SGIP1: variants seen among roughly 807,000 people sequenced by gnomAD.
The protein encoded by SGIP1 is SH3-containing GRB2-like protein 3-interacting protein 1.
SGIP1 carries 38 observed loss-of-function variants against 107.5 expected under a neutral mutation model. That is an observed-to-expected ratio of 0.35 (90% CI 0.27 to 0.46). The LOEUF is 0.46. Ranked by LOEUF, SGIP1 falls within the 20% of genes least tolerant of loss-of-function variation. The probability of loss-of-function intolerance (pLI) is 1.00; values close to 1 mark genes in which losing one functional copy is unlikely to be tolerated. For missense variants in SGIP1, 929 were observed against 1,019.5 expected (o/e 0.91, Z 1.21); for synonymous variants, 365 against 366.1 (o/e 1.00, Z 0.03).
intron 11 of SGIP1, 116 bp downstream of exon 11, chr1:66,672,111 C>A: frequency 1.1e-6 from 1 of 874,996 alleles, no homozygotes; most frequent in Non-Finnish European, 1.9e-6. Flanking sequence ...TCTACCAAAA[C>A]ATGTCAGTCC....
At chr1:66,713,267 A>G (rs1421495194) in intron 18 of SGIP1, among the ~76,000 whole-genome samples, 1 of 152,186 alleles carries the variant, frequency 6.6e-6, no homozygotes, top group African/African-American at 2.4e-5. Flanking sequence ...AATAATTAAT[A>G]TAAGTAAAGT....
chr1:66,679,668 C>CT lies in SGIP1; in HGVS notation c.740-5dup. 1.2e-6 allele frequency: 2 copies of CT among 1,602,510 alleles called. No individual in the cohort carries two copies. Among genetic ancestry groups the CT allele is most frequent in the East Asian group, 4.6e-5 (2 of 43,418 alleles). On this transcript the variant is annotated splice_polypyrimidine_tract_variant and intron_variant, in intron 13 of 24. Coordinates refer to ENST00000371037, the MANE Select transcript of SGIP1 (RefSeq NM_032291.4). Reference sequence around the variant, plus strand: ...TGACCAATGATACTTAATTTCTCATCTTTTTGCAGCACCTCCACCACTGCC... The same window carrying CT: ...TGACCAATGATACTTAATTTCTCATCTTTTTTGCAGCACCTCCACCACTGCC...
At chr1:66,534,468 C>G in intron 1 of SGIP1, 100 bp downstream of exon 1, 1 of 1,388,970 alleles carries the variant, frequency 7.2e-7, no homozygotes, top group Non-Finnish European at 1.0e-6. Flanking sequence ...GTTCTAGAAC[C>G]TGGTTGCCAA....
intron 1 of SGIP1, among the ~76,000 whole-genome samples, chr1:66,574,217 CTATT>C (rs1475191674): frequency 1.6e-4 from 25 of 152,096 alleles, no homozygotes; most frequent in Admixed American, 1.6e-3. Flanking sequence ...AGAGGCATAT[CTATT>C]TCTCTACCCT....
At chr1:66,679,184 A>G (rs1396289653) in intron 13 of SGIP1, among the ~76,000 whole-genome samples, 1 of 152,118 alleles carries the variant, frequency 6.6e-6, no homozygotes, top group Non-Finnish European at 1.5e-5. Flanking sequence ...ATCTTTCCCA[A>G]CTCAATCTGG....
rs2060618774 is a variant in SGIP1 at position 66,573,259 on chromosome 1, A to G, written c.10+38891A>G. Among the ~76,000 whole-genome samples, 4 of 152,082 alleles carry G rather than the reference A, an allele frequency of 2.6e-5. No homozygotes were observed. The South Asian group carries it at 8.3e-4, about 31-fold the overall frequency. On this transcript the variant is annotated intron_variant, in intron 1 of 24. Transcript: ENST00000371037. Reference sequence around the variant, plus strand: ...AATGGCTATTACTAAAAAGTCTAAAAATAACAGATGTTAGTGAGGTTACAG... The same window carrying G: ...AATGGCTATTACTAAAAAGTCTAAAGATAACAGATGTTAGTGAGGTTACAG...
At chr1:66,535,672 G>C (rs1365217890) in intron 1 of SGIP1, among the ~76,000 whole-genome samples, 1 of 152,156 alleles carries the variant, frequency 6.6e-6, no homozygotes, top group Non-Finnish European at 1.5e-5. Flanking sequence ...AGTCTTGTTT[G>C]CAAAAGGCTC....
At position 66,661,422 on chromosome 1, in the gene SGIP1, G is replaced by A. The variant is rs139828486; in HGVS notation, c.471+898G>A. On this transcript the variant is annotated intron_variant, in intron 8 of 24. Coordinates refer to ENST00000371037, the MANE Select transcript of SGIP1 (RefSeq NM_032291.4). ...CCTGGCAGCCACTGCACCACATACA[G>A]GATACTGTGCTTACAGAAAAGCTAT... Among the ~76,000 whole-genome samples the A allele has an allele frequency of 2.5e-3, 381 of 152,312 alleles. 2 individuals are homozygous for A. Among genetic ancestry groups the A allele is most frequent in the African/African-American group, 8.8e-3 (365 of 41,560 alleles).
At chr1:66,662,943 T>C (rs1235554500) in intron 8 of SGIP1, among the ~76,000 whole-genome samples, 1 of 152,182 alleles carries the variant, frequency 6.6e-6, no homozygotes, top group Non-Finnish European at 1.5e-5. Flanking sequence ...TTATGTATGA[T>C]ACAAATGGCT....
chr1:66,635,726 C>T (rs1416213137), intron 3 of SGIP1, among the ~76,000 whole-genome samples: 1 of 152,148 alleles, frequency 6.6e-6, no homozygotes, highest in Non-Finnish European at 1.5e-5. Context: ...CTTCTCTTGG[C>T]CTAACCAAGC....
At chr1:66,683,118 T>G (rs2087187142) in intron 15 of SGIP1, among the ~76,000 whole-genome samples, 1 of 152,112 alleles carries the variant, frequency 6.6e-6, no homozygotes, top group Non-Finnish European at 1.5e-5. Context: ...ATTTGAAGCT[T>G]CATTTTGTGT....
rs571414793 is a variant in SGIP1 at position 66,590,410 on chromosome 1, G to T, written c.11-35437G>T. 6 of 152,212 alleles carry T rather than the reference G, an allele frequency of 3.9e-5. No individual in the cohort carries two copies. The Middle Eastern group carries it at 0.014, about 345-fold the overall frequency. 9.4% of individuals were successfully genotyped at this position (152,212 alleles called of 1,614,324 possible). ...CTTTCATCTAATTATGGGTTGTATAGGTGTGGATTCTGTATATCAGAATTT... is the reference window on the plus strand; with the variant it reads ...CTTTCATCTAATTATGGGTTGTATATGTGTGGATTCTGTATATCAGAATTT... On this transcript the variant is annotated intron_variant, in intron 1 of 24. Coordinates refer to ENST00000371037, the MANE Select transcript of SGIP1 (RefSeq NM_032291.4).
At chr1:66,603,385 G>A (rs1042920241) in intron 1 of SGIP1, among the ~76,000 whole-genome samples, 5 of 152,086 alleles carry the variant, frequency 3.3e-5, no homozygotes, top group African/African-American at 9.7e-5. Context: ...CAGTATCTAT[G>A]TTAGTGATCC....
intron 7 of SGIP1, among the ~76,000 whole-genome samples, chr1:66,649,674 A>C (rs893433828): frequency 2.0e-5 from 3 of 152,198 alleles, no homozygotes; most frequent in African/African-American, 7.2e-5. Context: ...TTTTTGAAGG[A>C]GGCTAAATAA....
chr1:66,616,553 T>C (rs1427989548), intron 1 of SGIP1, among the ~76,000 whole-genome samples: 4 of 152,146 alleles, frequency 2.6e-5, no homozygotes, highest in African/African-American at 9.7e-5. Flanking sequence ...TAGGAAGTAG[T>C]CCTAGGAACT....
At chr1:66,619,984 T>A (rs2070522053) in intron 1 of SGIP1, among the ~76,000 whole-genome samples, 1 of 152,132 alleles carries the variant, frequency 6.6e-6, no homozygotes, top group Non-Finnish European at 1.5e-5. Context: ...TAGTATAGAG[T>A]CCAAGTTTCC....
chr1:66,614,917 T>C (rs962340250), intron 1 of SGIP1, among the ~76,000 whole-genome samples: 8 of 146,022 alleles, frequency 5.5e-5, no homozygotes, highest in Admixed American at 1.4e-4. Flanking sequence ...GCTCCCGGGT[T>C]CAAGTGATTC....
At chr1:66,700,852 C>T (rs2091801271) in intron 18 of SGIP1, among the ~76,000 whole-genome samples, 1 of 152,100 alleles carries the variant, frequency 6.6e-6, no homozygotes, top group Non-Finnish European at 1.5e-5. Flanking sequence ...TCACGTTCTT[C>T]CTGTTCTCAG....
chr1:66,744,705 A>C lies in SGIP1; in HGVS notation c.*1610A>C, dbSNP rs1446267163. Reference sequence around the variant, plus strand: ...GCAATTGTTTATAGTGAAACTTTTTAAATTAATCTTTGTACTCCTCTATCA... The same window carrying C: ...GCAATTGTTTATAGTGAAACTTTTTCAATTAATCTTTGTACTCCTCTATCA... On this transcript the variant is annotated 3_prime_UTR_variant, in exon 25 of 25. Coordinates refer to ENST00000371037, the MANE Select transcript of SGIP1 (RefSeq NM_032291.4). 1 of 152,312 alleles carries C rather than the reference A, an allele frequency of 6.6e-6. No individual in the cohort carries two copies. Among genetic ancestry groups the C allele is most frequent in the African/African-American group, 2.4e-5 (1 of 41,452 alleles). The allele number at this position is 152,312 out of a possible 1,614,324, so 9.4% of individuals were successfully genotyped here. A position where few individuals can be genotyped will look rare whatever the true frequency, so the allele number is the denominator to read the frequency against.
Sources: allele counts gnomAD v4.1 joint callset (sites outside exome capture counted in the v4.1 genomes callset), GRCh38; gene constraint gnomAD v4.1.1; transcripts MANE v1.5; gene names NCBI Gene and HGNC (gene_info 2026-07-23, HGNC 2026-07-21).